Variants in KCNAB1 observed in about 807,000 individuals in gnomAD.
KCNAB1 encodes voltage-gated potassium channel subunit beta-1.
Under a neutral mutation model 64.6 loss-of-function variants are expected in KCNAB1, and 35 were observed. The observed-to-expected ratio is 0.54, with a 90% CI of 0.41 to 0.72. The LOEUF (loss-of-function observed/expected upper bound fraction) is 0.72. Among genes scored for constraint, KCNAB1 ranks in the 30% least tolerant of loss-of-function variants. The pLI is 0.00. For missense variants in KCNAB1, 401 were observed against 512.9 expected (o/e 0.78, Z 2.11); for synonymous variants, 177 against 183.8 (o/e 0.96, Z 0.30).
chr3:156,499,331 G>A (rs1221991213), intron 8 of KCNAB1, among the ~76,000 whole-genome samples: 1 of 152,122 alleles, frequency 6.6e-6, no homozygotes, highest in African/African-American at 2.4e-5. Flanking sequence ...AGTTAATAAT[G>A]TGAAAAGACT....
chr3:156,293,828 G>A (rs942780030), intron 1 of KCNAB1, among the ~76,000 whole-genome samples: 4 of 152,194 alleles, frequency 2.6e-5, no homozygotes. Flanking sequence ...CGCAGCCCCT[G>A]CCTTGTGGAC....
intron 1 of KCNAB1, among the ~76,000 whole-genome samples, chr3:156,373,254 A>C (rs552472525): frequency 3.9e-5 from 6 of 152,206 alleles, no homozygotes; most frequent in Non-Finnish European, 8.8e-5. Context: ...TCATCTACTG[A>C]AAAACAATTA....
At chr3:156,120,467 G>A (rs1424509610), upstream of KCNAB1, 15 of 918,332 alleles carry the variant, frequency 1.6e-5, no homozygotes, top group Non-Finnish European at 2.5e-5. Context: ...CCAAGCCACA[G>A]ACTGGGCTCA....
At chr3:156,280,307 G>A (rs1303598775) in intron 1 of KCNAB1, among the ~76,000 whole-genome samples, 7 of 148,632 alleles carry the variant, frequency 4.7e-5, no homozygotes, top group African/African-American at 7.4e-5. Flanking sequence ...TGAGGGCTCT[G>A]TTCTGTTCCA....
intron 8 of KCNAB1, among the ~76,000 whole-genome samples, chr3:156,507,617 A>G (rs1716911362): frequency 6.6e-6 from 1 of 152,260 alleles, no homozygotes; most frequent in Non-Finnish European, 1.5e-5. Context: ...GCTTCAAAGC[A>G]GTACAGTTAT....
At chr3:156,462,659 A>T (rs1713010502) in intron 5 of KCNAB1, among the ~76,000 whole-genome samples, 1 of 152,186 alleles carries the variant, frequency 6.6e-6, no homozygotes, top group Admixed American at 6.5e-5. Context: ...CCCATTGGTT[A>T]TCATTAATCA....
rs1294692390 is a variant in KCNAB1 at position 156,452,689 on chromosome 3, CA to C, written c.320-209del. On this transcript the variant is annotated intron_variant, in intron 2 of 13. Coordinates refer to ENST00000490337, the MANE Select transcript of KCNAB1 (RefSeq NM_172160.3). The surrounding 1 kb of genome is among the most constrained non-coding windows in gnomAD (Gnocchi z 4.6). ...AGTAAAGAAACAGCAGCCCTTTCTC[CA>C]GAGGGATACAGACCCCTTCTGGAAT... Among the ~76,000 whole-genome samples, 2 of 152,130 alleles carry C rather than the reference CA, an allele frequency of 1.3e-5. No homozygotes were observed. Among genetic ancestry groups the C allele is most frequent in the Admixed American group, 1.3e-4 (2 of 15,276 alleles).
Position 156,516,333 on chromosome 3 carries a change from G to A in KCNAB1, c.929G>A (p.Gly310Glu). 1 of 1,613,948 alleles carries A rather than the reference G, an allele frequency of 6.2e-7. No individual in the cohort carries two copies. The highest frequency in any genetic ancestry group is 8.5e-7 in the Non-Finnish European group (1 of 1,179,828). ...CGIISGKYGN[G>E]VPESSRASLK... Reference sequence around the variant, plus strand: ...ATCATCTCAGGAAAATACGGAAACGGGGTGCCTGAAAGTTCCAGGGCTTCA... The same window carrying A: ...ATCATCTCAGGAAAATACGGAAACGAGGTGCCTGAAAGTTCCAGGGCTTCA... The change falls in exon 11 of 14, where the codon GGG becomes GAG. Residue 310 changes from glycine (G) to glutamate (E), a missense_variant. Gly to Glu is a moderately conservative substitution (Grantham distance 98, BLOSUM62 -2). Transcript: ENST00000490337.
chr3:156,336,131 G>A (rs576429568), intron 1 of KCNAB1, among the ~76,000 whole-genome samples: 2 of 152,264 alleles, frequency 1.3e-5, no homozygotes, highest in South Asian at 2.1e-4. Context: ...GGGCTGAGGT[G>A]GGCGGATCAC....
intron 1 of KCNAB1, among the ~76,000 whole-genome samples, chr3:156,351,326 T>C (rs111878690): frequency 5.9e-5 from 9 of 152,142 alleles, no homozygotes; most frequent in African/African-American, 2.2e-4. Flanking sequence ...ACGTCAGGGG[T>C]TCATGTGAGC....
rs11921033 is a variant in KCNAB1 at position 156,467,469 on chromosome 3, G to A, written c.571+1783G>A. On this transcript the variant is annotated intron_variant, in intron 7 of 13. Coordinates refer to ENST00000490337, the MANE Select transcript of KCNAB1 (RefSeq NM_172160.3). ...AAATGTGCTCTAATCTCACCACTTC[G>A]AAAATCAAAATAGATAAGGAAGCCA... Among the ~76,000 whole-genome samples the A allele has an allele frequency of 6.6e-3, 1,001 of 152,074 alleles. 7 individuals carry two copies. The highest frequency in any genetic ancestry group is 0.011 in the Non-Finnish European group (763 of 67,920).
chr3:156,486,591 C>A (rs1369972648), intron 8 of KCNAB1, among the ~76,000 whole-genome samples: 1 of 152,142 alleles, frequency 6.6e-6, no homozygotes, highest in South Asian at 2.1e-4. Flanking sequence ...GACTATCTGT[C>A]TTGGTGGCAC....
chr3:156,425,965 C>G (rs1715786872), intron 2 of KCNAB1, among the ~76,000 whole-genome samples: 1 of 152,014 alleles, frequency 6.6e-6, no homozygotes, highest in African/African-American at 2.4e-5. Flanking sequence ...GCAATGCAAG[C>G]AACGGCGACT....
At chr3:156,249,586 A>G (rs1717695730) in intron 1 of KCNAB1, among the ~76,000 whole-genome samples, 1 of 152,060 alleles carries the variant, frequency 6.6e-6, no homozygotes. Context: ...AAAAGAAAAA[A>G]AAAGAAAAAA....
chr3:156,334,221 C>T (rs969077749), intron 1 of KCNAB1, among the ~76,000 whole-genome samples: 1 of 152,018 alleles, frequency 6.6e-6, no homozygotes, highest in African/African-American at 2.4e-5. Context: ...AAGAACATTC[C>T]CCATTGTGGC....
intron 6 of KCNAB1, among the ~76,000 whole-genome samples, chr3:156,464,490 AT>A (rs199498332): frequency 0.037 from 5,668 of 151,452 alleles, 235 homozygotes; most frequent in East Asian, 0.12. Context: ...CAAAAAAATA[AT>A]AATAATAATA....
chr3:156,395,368 A>G (rs1311604831), intron 1 of KCNAB1, among the ~76,000 whole-genome samples: 2 of 149,020 alleles, frequency 1.3e-5, no homozygotes, highest in Non-Finnish European at 3.0e-5. Context: ...AAACGGTGAA[A>G]CCCCGTCTCT....
chr3:156,314,015 G>A (rs1436108464), intron 1 of KCNAB1, among the ~76,000 whole-genome samples: 1 of 152,178 alleles, frequency 6.6e-6, no homozygotes, highest in African/African-American at 2.4e-5. Context: ...ACCTCTGTGT[G>A]TAACACTCCC....
At chr3:156,431,267 G>A (rs993855950) in intron 2 of KCNAB1, among the ~76,000 whole-genome samples, 1 of 152,132 alleles carries the variant, frequency 6.6e-6, no homozygotes, top group Admixed American at 6.5e-5. Flanking sequence ...TGTTTACCTC[G>A]GGTTTGCCTG....
Sources: gnomAD v4.1 joint callset for allele counts (sites outside exome capture counted in the v4.1 genomes callset) on GRCh38, gnomAD v4.1.1 for gene constraint, Gnocchi (gnomAD v3.1) non-coding constraint, MANE v1.5 for transcripts, NCBI Gene and HGNC (gene_info 2026-07-23, HGNC 2026-07-21) for gene names.